Variants in POT1 observed in about 807,000 individuals in gnomAD.
POT1 encodes protection of telomeres protein 1.
POT1 carries 47 observed loss-of-function variants against 78.5 expected under a neutral mutation model. The ratio of observed to expected loss-of-function variants is 0.60; its 90% CI spans 0.47 to 0.76. The LOEUF is 0.76. POT1 is among the 30% of genes least tolerant of loss of function. POT1 has a pLI of 0.00. For missense variants in POT1, 646 were observed against 749.9 expected, an observed-to-expected ratio of 0.86 and a Z score of 1.62; for synonymous variants, 259 against 260.7, an observed-to-expected ratio of 0.99 and a Z score of 0.06.
At chr7:124,849,172 T>C (rs1028318712) in intron 11 of POT1, among the ~76,000 whole-genome samples, 10 of 152,170 alleles carry the variant, frequency 6.6e-5, no homozygotes, top group African/African-American at 2.4e-4. Context: ...CAAGCTGGCA[T>C]GGTATAATTT....
chr7:124,890,156 A>G (rs530579984), intron 6 of POT1, among the ~76,000 whole-genome samples: 25 of 152,074 alleles, frequency 1.6e-4, no homozygotes, highest in Non-Finnish European at 3.1e-4. Context: ...AGTTAATTCC[A>G]ACCCTCACAG....
At chr7:124,842,717 T>C (rs113405193) in intron 13 of POT1, 90 bp downstream of exon 13, 6 of 1,057,696 alleles carry the variant, frequency 5.7e-6, no homozygotes, top group Middle Eastern at 3.3e-4. Context: ...ATTAACAATT[T>C]ACTTATTCCT....
intron 6 of POT1, among the ~76,000 whole-genome samples, chr7:124,873,676 G>A (rs1317601679): frequency 2.6e-5 from 4 of 152,100 alleles, no homozygotes; most frequent in African/African-American, 9.7e-5. Context: ...ATTGGTGTTA[G>A]TTCTCCATTG....
At chr7:124,894,837 A>C (rs1342843932) in intron 5 of POT1, among the ~76,000 whole-genome samples, 1 of 151,578 alleles carries the variant, frequency 6.6e-6, no homozygotes, top group African/African-American at 2.4e-5. Context: ...TGGTAAGCAA[A>C]GGCTTTCTGA....
intron 8 of POT1, among the ~76,000 whole-genome samples, chr7:124,861,120 C>T (rs1795585422): frequency 6.6e-6 from 1 of 152,024 alleles, no homozygotes; most frequent in African/African-American, 2.4e-5. Context: ...GGGTATATAC[C>T]CAGTAATGGG....
chr7:124,908,900 T>C lies in POT1; in HGVS notation c.-154+6674A>G, dbSNP rs549928389. On this transcript the variant is annotated intron_variant, in intron 3 of 18. Transcript: ENST00000357628. Reference sequence around the variant, plus strand: ...CTTACTTCATAGACTGTTAGCATTTTAGAACTTAAAAGGACCTTAGAGACC... The same window carrying C: ...CTTACTTCATAGACTGTTAGCATTTCAGAACTTAAAAGGACCTTAGAGACC... Among the ~76,000 whole-genome samples the C allele has an allele frequency of 2.8e-4, 42 of 152,064 alleles. No individual in the cohort carries two copies. The South Asian group carries it at 3.9e-3, about 14-fold the overall frequency.
Position 124,863,159 on chromosome 7 carries a change from G to A in POT1, c.546+191C>T, listed in dbSNP as rs191888253. On this transcript the variant is annotated intron_variant, in intron 8 of 18. Transcript: ENST00000357628. ...TAATAACACTATATTTCTCTGGAAGGAAAGTGTAAAATTTTAGAGAGGTAC... is the reference window on the plus strand; with the variant it reads ...TAATAACACTATATTTCTCTGGAAGAAAAGTGTAAAATTTTAGAGAGGTAC... Among the ~76,000 whole-genome samples the A allele has an allele frequency of 5.5e-3, 832 of 151,838 alleles. 4 individuals carry two copies. Among genetic ancestry groups the A allele is most frequent in the Non-Finnish European group, 9.9e-3 (672 of 67,886 alleles).
intron 3 of POT1, among the ~76,000 whole-genome samples, chr7:124,913,320 T>C (rs566569370): frequency 6.6e-6 from 1 of 152,298 alleles, no homozygotes; most frequent in East Asian, 1.9e-4. Context: ...TTTAATTGAA[T>C]TGCTTATCTT....
intron 16 of POT1, chr7:124,828,922 C>G (rs1409158768): frequency 1.7e-6 from 1 of 574,470 alleles, no homozygotes; most frequent in Admixed American, 1.9e-5. Flanking sequence ...TCACTCTATT[C>G]TGAATTGGCC....
At chr7:124,861,475 A>G (rs1317479238) in intron 8 of POT1, among the ~76,000 whole-genome samples, 1 of 152,120 alleles carries the variant, frequency 6.6e-6, no homozygotes, top group Non-Finnish European at 1.5e-5. Context: ...AATTAGTTTA[A>G]GTTTCTTGTA....
chr7:124,827,286 G>C lies in POT1; in HGVS notation c.1614C>G (p.Leu538=), dbSNP rs969018798. The part of the protein sequence containing the change: ...SVAEALGIVP[L]QYVFVMTFTL... The stretch of plus-strand genomic sequence containing the variant: ...TAAAGGTCATAACAAACACATATTG[G>C]AGGGGTACAATACCCAGTGCTAGTG... Residue 538 remains leucine, a synonymous_variant, in exon 17 of 19, where the codon CTC becomes CTG. Coordinates refer to ENST00000357628, the MANE Select transcript of POT1 (RefSeq NM_015450.3). The C allele has an allele frequency of 6.3e-7, 1 of 1,592,618 alleles. No homozygotes were observed. The highest frequency in any genetic ancestry group is 8.6e-7 in the Non-Finnish European group (1 of 1,163,562).
intron 13 of POT1, among the ~76,000 whole-genome samples, chr7:124,842,047 A>G (rs1421823027): frequency 6.6e-6 from 1 of 152,028 alleles, no homozygotes; most frequent in East Asian, 1.9e-4. Flanking sequence ...AGATACTCAC[A>G]ATTTATAAGC....
intron 6 of POT1, among the ~76,000 whole-genome samples, chr7:124,882,357 G>C (rs1427894747): frequency 6.6e-6 from 1 of 151,952 alleles, no homozygotes; most frequent in Non-Finnish European, 1.5e-5. Context: ...GCTACATTAT[G>C]TGCTGTCATC....
chr7:124,842,612 A>T (rs531954586), intron 13 of POT1, among the ~76,000 whole-genome samples, 195 bp downstream of exon 13: 108 of 152,132 alleles, frequency 7.1e-4, no homozygotes, highest in African/African-American at 2.5e-3. Context: ...ATCTGAAAAT[A>T]GCACCCACTT....
intron 10 of POT1, 62 bp downstream of exon 10, chr7:124,852,910 A>T: frequency 6.9e-7 from 1 of 1,458,770 alleles, no homozygotes; most frequent in East Asian, 2.3e-5. Context: ...CAGGAACAAT[A>T]TTATCTTAGA....
chr7:124,853,911 T>C (rs1475507451), intron 9 of POT1, among the ~76,000 whole-genome samples: 2 of 152,026 alleles, frequency 1.3e-5, no homozygotes, highest in African/African-American at 2.4e-5. Flanking sequence ...AGAAGCTATA[T>C]AACCTAAATC....
rs1796540714 is a variant in POT1, at chr7:124,898,243, TA to T, written c.-40+17del. On this transcript the variant is annotated intron_variant, in intron 4 of 18. Transcript: ENST00000357628. ...TTAAATCTGCAATGTAATTAGAGAATAAAAGCTGCATACTTACATAAACAGT... is the reference window on the plus strand; with the variant it reads ...TTAAATCTGCAATGTAATTAGAGAATAAAGCTGCATACTTACATAAACAGT... The T allele has an allele frequency of 1.3e-5, 2 of 151,996 alleles. No homozygotes were observed. The highest frequency in any genetic ancestry group is 2.1e-4 in the South Asian group (1 of 4,822). 9.4% of individuals were successfully genotyped at this position (151,996 alleles called of 1,614,324 possible).
chr7:124,856,968 G>A (rs1245234448), intron 9 of POT1, among the ~76,000 whole-genome samples: 1 of 152,132 alleles, frequency 6.6e-6, no homozygotes, highest in Non-Finnish European at 1.5e-5. Flanking sequence ...GGACAAAAAA[G>A]TACAGTCACT....
chr7:124,849,711 C>T (rs1024224768), intron 11 of POT1, among the ~76,000 whole-genome samples: 16 of 151,884 alleles, frequency 1.1e-4, no homozygotes, highest in Admixed American at 6.6e-5. Flanking sequence ...AAACTGGTAA[C>T]GATCTCAACA....
Sources: allele counts gnomAD v4.1 joint callset (sites outside exome capture counted in the v4.1 genomes callset), GRCh38; gene constraint gnomAD v4.1.1; transcripts MANE v1.5; gene names NCBI Gene and HGNC (gene_info 2026-07-23, HGNC 2026-07-21).